Variants in LRMDA observed in about 807,000 individuals in gnomAD.
LRMDA encodes the protein leucine-rich melanocyte differentiation-associated protein.
In LRMDA, 18 loss-of-function variants were observed where a neutral mutation model predicts 29.8. The ratio of observed to expected loss-of-function variants is 0.60; its 90% CI spans 0.42 to 0.90. LRMDA has a LOEUF of 0.90. Ranked by LOEUF, LRMDA falls within the 40% of genes least tolerant of loss-of-function variation. LRMDA has a pLI of 0.00. For synonymous variants in LRMDA, 125 were observed against 109.4 expected (o/e 1.14, Z -0.89); for missense variants, 273 against 273.9 (o/e 1.00, Z 0.02).
rs919562693 is a variant in LRMDA at position 76,422,357 on chromosome 10, T to G, written c.601+97872T>G. On this transcript the variant is annotated intron_variant, in intron 6 of 6. Coordinates refer to ENST00000611255, the MANE Select transcript of LRMDA (RefSeq NM_001305581.2). Reference sequence around the variant, plus strand: ...CTGACGTAAGATTTTCTACACATATTTAGCTCAGCATTTTTAGTTTTTCTC... The same window carrying G: ...CTGACGTAAGATTTTCTACACATATGTAGCTCAGCATTTTTAGTTTTTCTC... 2.0e-5 allele frequency among the ~76,000 whole-genome samples: 3 copies of G among 152,040 alleles called. No individual in the cohort carries two copies. The East Asian group carries it at 5.8e-4, about 29-fold the overall frequency.
At chr10:76,295,614 T>G (rs1193452993) in intron 5 of LRMDA, among the ~76,000 whole-genome samples, 2 of 152,216 alleles carry the variant, frequency 1.3e-5, no homozygotes, top group African/African-American at 4.8e-5. Context: ...GTCACGGACA[T>G]GCACTGGCTG....
chr10:76,152,928 C>T (rs11814134), intron 5 of LRMDA, among the ~76,000 whole-genome samples: 18,369 of 151,848 alleles, frequency 0.12, 1,244 homozygotes, highest in East Asian at 0.24. Flanking sequence ...GCAACCTCCA[C>T]CTCCTGGATT....
chr10:75,859,536 G>A (rs1844883210), intron 2 of LRMDA, among the ~76,000 whole-genome samples: 1 of 151,112 alleles, frequency 6.6e-6, no homozygotes, highest in Admixed American at 6.6e-5. Flanking sequence ...ATTGGTTCAT[G>A]TTTCTGTTGG....
intron 2 of LRMDA, among the ~76,000 whole-genome samples, chr10:75,550,816 C>G (rs181648082): frequency 6.6e-6 from 1 of 152,044 alleles, no homozygotes; most frequent in East Asian, 1.9e-4. Flanking sequence ...TAAGTTTACT[C>G]CTTTTAAAAA....
At chr10:75,492,473 A>G (rs1198558713) in intron 2 of LRMDA, among the ~76,000 whole-genome samples, 1 of 152,212 alleles carries the variant, frequency 6.6e-6, no homozygotes, top group Non-Finnish European at 1.5e-5. Flanking sequence ...TAGTCGTCAC[A>G]TTGAGGCATT....
At chr10:75,775,049 T>A (rs1843293031) in intron 2 of LRMDA, among the ~76,000 whole-genome samples, 1 of 152,210 alleles carries the variant, frequency 6.6e-6, no homozygotes, top group South Asian at 2.1e-4. Context: ...TGAAACCAAC[T>A]GGCCATTAAC....
intron 2 of LRMDA, among the ~76,000 whole-genome samples, chr10:76,010,909 A>G (rs987002242): frequency 6.6e-6 from 1 of 152,230 alleles, no homozygotes; most frequent in Non-Finnish European, 1.5e-5. Flanking sequence ...ATTATCTTCC[A>G]CTAGGAATCC....
At chr10:75,674,615 T>C (rs541514869) in intron 2 of LRMDA, among the ~76,000 whole-genome samples, 1 of 152,350 alleles carries the variant, frequency 6.6e-6, no homozygotes, top group South Asian at 2.1e-4. Context: ...TTCAGATAAT[T>C]GTCCCTTTCT....
At chr10:75,847,573 T>G (rs4745798) in intron 2 of LRMDA, among the ~76,000 whole-genome samples, 122,818 of 152,140 alleles carry the variant, frequency 0.81, 50,273 homozygotes, top group East Asian at 0.98. Context: ...GCAGCCTATG[T>G]GATGGGAGGA....
At chr10:75,625,895 A>G (rs992271982) in intron 2 of LRMDA, among the ~76,000 whole-genome samples, 5 of 151,678 alleles carry the variant, frequency 3.3e-5, no homozygotes, top group Admixed American at 2.6e-4. Flanking sequence ...TCTGTCACCT[A>G]GGCTGCAGTG....
At chr10:75,979,103 C>T (rs1847122783) in intron 2 of LRMDA, among the ~76,000 whole-genome samples, 2 of 152,184 alleles carry the variant, frequency 1.3e-5, no homozygotes, top group Non-Finnish European at 2.9e-5. Context: ...ACTTATAAAG[C>T]TCTAAGAATA....
At chr10:76,422,305 T>C (rs962680136) in intron 6 of LRMDA, among the ~76,000 whole-genome samples, 2 of 152,058 alleles carry the variant, frequency 1.3e-5, no homozygotes, top group Non-Finnish European at 2.9e-5. Context: ...TCTCAGGTCG[T>C]CACTGCCTTA....
rs191767079 is a variant in LRMDA at position 75,869,488 on chromosome 10, C to A, written c.132-166520C>A. 1.4e-4 allele frequency among the ~76,000 whole-genome samples: 22 copies of A among 152,272 alleles called. No homozygotes were observed. In the South Asian group the frequency reaches 2.1e-3, roughly 14 times the overall value. ...TCCATCCCAGAATGCATTTGTGGAGCAGGTTTTTGAGCAAGAGAGCCTGTT... is the reference window on the plus strand; with the variant it reads ...TCCATCCCAGAATGCATTTGTGGAGAAGGTTTTTGAGCAAGAGAGCCTGTT... On this transcript the variant is annotated intron_variant, in intron 2 of 6. Transcript: ENST00000611255.
At chr10:76,174,488 A>C (rs909188822) in intron 5 of LRMDA, among the ~76,000 whole-genome samples, 3 of 152,160 alleles carry the variant, frequency 2.0e-5, no homozygotes, top group Non-Finnish European at 4.4e-5. Flanking sequence ...AACATTCTAA[A>C]TGTAAATAGG....
In LRMDA at chr10:76,197,748, A is replaced by G. The variant is rs1851355161; in HGVS notation, c.517-126653A>G. Reference sequence around the variant, plus strand: ...CGCCTGGTCAATATAGTGAAACCCCATCTCTACTAAAAAATACAAAAATTA... The same window carrying G: ...CGCCTGGTCAATATAGTGAAACCCCGTCTCTACTAAAAAATACAAAAATTA... On this transcript the variant is annotated intron_variant, in intron 5 of 6. Transcript: ENST00000611255. Among the ~76,000 whole-genome samples the G allele has an allele frequency of 2.0e-5, 3 of 147,398 alleles. No individual in the cohort carries two copies. In the Admixed American group the frequency reaches 2.1e-4, roughly 10 times the overall value.
chr10:75,920,554 A>G (rs115322192), intron 2 of LRMDA, among the ~76,000 whole-genome samples: 2,934 of 152,292 alleles, frequency 0.019, 87 homozygotes, highest in African/African-American at 0.065. Context: ...AGCCCTCTCT[A>G]TGCGCTTTAC....
At chr10:75,695,692 G>A (rs1842225147) in intron 2 of LRMDA, among the ~76,000 whole-genome samples, 1 of 152,106 alleles carries the variant, frequency 6.6e-6, no homozygotes, top group African/African-American at 2.4e-5. Context: ...CTGTGTCTTA[G>A]CCTGTAATAT....
intron 2 of LRMDA, among the ~76,000 whole-genome samples, chr10:75,548,215 C>T (rs1372988797): frequency 2.0e-5 from 3 of 152,140 alleles, no homozygotes; most frequent in Admixed American, 1.3e-4. Flanking sequence ...ATGTTGTGAA[C>T]TTTTCCAAAG....
intron 2 of LRMDA, among the ~76,000 whole-genome samples, chr10:75,624,271 A>G (rs1402237099): frequency 6.6e-6 from 1 of 152,190 alleles, no homozygotes; most frequent in Non-Finnish European, 1.5e-5. Context: ...CTTGGAGATC[A>G]TATTTGAGGA....
Sources: gnomAD v4.1 joint callset for allele counts (sites outside exome capture counted in the v4.1 genomes callset) on GRCh38, gnomAD v4.1.1 for gene constraint, MANE v1.5 for transcripts, NCBI Gene and HGNC (gene_info 2026-07-23, HGNC 2026-07-21) for gene names.